Variants in PITPNC1 observed in about 807,000 individuals in gnomAD.
PITPNC1 encodes the protein cytoplasmic phosphatidylinositol transfer protein 1.
Under a neutral mutation model 44.7 loss-of-function variants are expected in PITPNC1, and 18 were observed. The observed-to-expected ratio is 0.40, with a 90% CI of 0.28 to 0.60. PITPNC1 has a LOEUF of 0.60. PITPNC1 is among the 20% of genes least tolerant of loss of function. The pLI is 0.39. For synonymous variants in PITPNC1, 141 were observed against 149.6 expected (o/e 0.94, Z 0.42); for missense variants, 290 against 418.4 (o/e 0.69, Z 2.68).
intron 5 of PITPNC1, among the ~76,000 whole-genome samples, chr17:67,631,039 GTGTTGT>G (rs747376432): frequency 7.0e-5 from 10 of 141,896 alleles, no homozygotes; most frequent in African/African-American, 2.1e-4. Flanking sequence ...TATTGCGGCT[GTGTTGT>G]TGTTGTTGTT....
intron 1 of PITPNC1, among the ~76,000 whole-genome samples, chr17:67,464,171 C>T (rs933447116): frequency 3.3e-4 from 49 of 150,560 alleles, no homozygotes; most frequent in Non-Finnish European, 4.6e-4. Flanking sequence ...CCAGCCTGGG[C>T]GACAGAACGA....
chr17:67,448,517 C>T (rs1037019857), intron 1 of PITPNC1, among the ~76,000 whole-genome samples: 2 of 152,106 alleles, frequency 1.3e-5, no homozygotes, highest in African/African-American at 2.4e-5. Flanking sequence ...CATGAACCTG[C>T]CGTTGGGGGT....
intron 1 of PITPNC1, among the ~76,000 whole-genome samples, chr17:67,421,375 T>C (rs2038671132): frequency 6.6e-6 from 1 of 152,044 alleles, no homozygotes; most frequent in African/African-American, 2.4e-5. Flanking sequence ...CTCTGCCTCC[T>C]GGGTTCAAGC....
At chr17:67,591,759 G>C (rs1277232730) in intron 5 of PITPNC1, among the ~76,000 whole-genome samples, 1 of 152,024 alleles carries the variant, frequency 6.6e-6, no homozygotes, top group Non-Finnish European at 1.5e-5. Context: ...ACCCAGGCTG[G>C]AGTGCAGTGG....
At chr17:67,610,929 A>G (rs2041679790) in intron 5 of PITPNC1, among the ~76,000 whole-genome samples, 1 of 151,898 alleles carries the variant, frequency 6.6e-6, no homozygotes, top group African/African-American at 2.4e-5. Flanking sequence ...CAAAAAAAAA[A>G]AAAAAAGAAA....
intron 1 of PITPNC1, among the ~76,000 whole-genome samples, chr17:67,497,981 C>T (rs1465015185): frequency 6.6e-6 from 1 of 152,000 alleles, no homozygotes. Flanking sequence ...CCACCTCAGC[C>T]TCCTGAGTAG....
chr17:67,522,533 T>G (rs1021745775), intron 1 of PITPNC1, among the ~76,000 whole-genome samples: 1 of 152,114 alleles, frequency 6.6e-6, no homozygotes. Flanking sequence ...AATAATTTTT[T>G]CATAATCATA....
chr17:67,448,312 G>C (rs1020702603), intron 1 of PITPNC1, among the ~76,000 whole-genome samples: 4 of 151,910 alleles, frequency 2.6e-5, no homozygotes, highest in Admixed American at 1.3e-4. Flanking sequence ...GTTTTCATTT[G>C]CTTTTGGTCA....
chr17:67,436,930 T>A (rs1482574549), intron 1 of PITPNC1, among the ~76,000 whole-genome samples: 1 of 136,430 alleles, frequency 7.3e-6, no homozygotes, highest in Middle Eastern at 3.5e-3. Flanking sequence ...TTTTTTTTTT[T>A]TTTTTTGAGA....
intron 2 of PITPNC1, among the ~76,000 whole-genome samples, chr17:67,542,419 T>C (rs1255372741): frequency 6.6e-6 from 1 of 152,208 alleles, no homozygotes; most frequent in Non-Finnish European, 1.5e-5. Context: ...AAGTCCTCCA[T>C]GCATAAGTCA....
chr17:67,499,105 C>A (rs542471203), intron 1 of PITPNC1, among the ~76,000 whole-genome samples: 1 of 152,218 alleles, frequency 6.6e-6, no homozygotes, highest in East Asian at 1.9e-4. Flanking sequence ...AACTCCTGAC[C>A]TCCAGTGATC....
intron 1 of PITPNC1, among the ~76,000 whole-genome samples, chr17:67,531,825 G>A (rs1036877374): frequency 6.6e-6 from 1 of 152,110 alleles, no homozygotes; most frequent in Non-Finnish European, 1.5e-5. Flanking sequence ...CAGCAGGGTC[G>A]CATCGTCCTG....
chr17:67,686,012 G>C (rs955032557), intron 8 of PITPNC1, among the ~76,000 whole-genome samples: 2 of 151,626 alleles, frequency 1.3e-5, no homozygotes, highest in Non-Finnish European at 2.9e-5. Flanking sequence ...TGTATTTTTA[G>C]TAGAGACGGT....
intron 1 of PITPNC1, among the ~76,000 whole-genome samples, chr17:67,522,659 C>CTTTTT (rs773797594): frequency 0.53 from 61,807 of 116,640 alleles, 18,046 homozygotes; most frequent in East Asian, 0.78. Flanking sequence ...CCATTTTAAT[C>CTTTTT]TTTTTTTTTT....
At chr17:67,659,243 A>G (rs2042309491) in intron 6 of PITPNC1, among the ~76,000 whole-genome samples, 1 of 152,202 alleles carries the variant, frequency 6.6e-6, no homozygotes, top group African/African-American at 2.4e-5. Context: ...GCTTAAAACA[A>G]TGAGAGTGCA....
chr17:67,516,135 C>T (rs1265172689), intron 1 of PITPNC1, among the ~76,000 whole-genome samples: 1 of 152,164 alleles, frequency 6.6e-6, no homozygotes, highest in Non-Finnish European at 1.5e-5. Context: ...GCTCTCTCAT[C>T]TCTTTGGTAA....
intron 1 of PITPNC1, among the ~76,000 whole-genome samples, chr17:67,527,713 A>G (rs1473047194): frequency 1.3e-5 from 2 of 151,088 alleles, no homozygotes; most frequent in Non-Finnish European, 2.9e-5. Flanking sequence ...AAACAAAAAA[A>G]AGGAATATAG....
Position 67,632,254 on chromosome 17 carries a change from G to T in PITPNC1, c.462+16G>T. On this transcript the variant is annotated intron_variant, in intron 6 of 8. Coordinates refer to ENST00000581322, the MANE Select transcript of PITPNC1 (RefSeq NM_012417.4). ...AGAATCTGAGGTAAGCAACAGTTGGGATGAGATGTGGAAGATTCATTCATT... is the reference window on the plus strand; with the variant it reads ...AGAATCTGAGGTAAGCAACAGTTGGTATGAGATGTGGAAGATTCATTCATT... 4.8e-6 allele frequency: 7 copies of T among 1,466,466 alleles called. No homozygotes were observed. Among genetic ancestry groups the T allele is most frequent in the Non-Finnish European group, 6.7e-6 (7 of 1,045,848 alleles). The allele number at this position is 1,466,466 out of a possible 1,614,324, so 90.8% of individuals were successfully genotyped here.
intron 2 of PITPNC1, among the ~76,000 whole-genome samples, chr17:67,541,095 A>C (rs1345945006): frequency 1.3e-5 from 2 of 152,270 alleles, no homozygotes; most frequent in African/African-American, 4.8e-5. Context: ...GACGCCTGTA[A>C]TCCCAGCTAC....
Sources: allele counts gnomAD v4.1 joint callset (sites outside exome capture counted in the v4.1 genomes callset), GRCh38; gene constraint gnomAD v4.1.1; transcripts MANE v1.5; gene names NCBI Gene and HGNC (gene_info 2026-07-23, HGNC 2026-07-21).